HIP1: variants seen among roughly 807,000 people sequenced by gnomAD.
The protein encoded by HIP1 is huntingtin-interacting protein 1.
Under a neutral mutation model 147.6 loss-of-function variants are expected in HIP1, and 65 were observed. The ratio of observed to expected loss-of-function variants is 0.44; its 90% CI spans 0.36 to 0.54. The LOEUF is 0.54. Ranked by LOEUF, HIP1 falls within the 20% of genes least tolerant of loss-of-function variation. HIP1 has a pLI of 0.00. For missense variants in HIP1, 1,061 were observed against 1,299.6 expected (o/e 0.82, Z 2.82); for synonymous variants, 479 against 504.0 (o/e 0.95, Z 0.67).
Position 75,549,000 on chromosome 7 carries a change from T to A in HIP1, c.2297A>T (p.Glu766Val). 1 of 1,608,494 alleles carries A rather than the reference T, an allele frequency of 6.2e-7. No homozygotes were observed. Among genetic ancestry groups the A allele is most frequent in the Non-Finnish European group, 8.5e-7 (1 of 1,174,860 alleles). Residue 766 changes from glutamate (E) to valine (V), a missense_variant and splice_region_variant, in exon 23 of 31, where the codon GAG becomes GTG. By Grantham distance (121) the Glu-to-Val change is moderately radical (BLOSUM62 -2). Coordinates refer to ENST00000336926, the MANE Select transcript of HIP1 (RefSeq NM_005338.7). ...GATGTCCAGTCCCCTGGGCAGGAGC[T>A]CCTGTGAACACATCACAAAGGCTGA... ...CLSKIKAIGEELLPRGLDIKQ... is the reference protein window; with the variant it reads ...CLSKIKAIGEVLLPRGLDIKQ...
At chr7:75,688,913 C>T (rs1800355574) in intron 1 of HIP1, among the ~76,000 whole-genome samples, 1 of 152,184 alleles carries the variant, frequency 6.6e-6, no homozygotes, top group Admixed American at 6.6e-5. Flanking sequence ...GGTCCCCTGG[C>T]TCAGGTCCAC....
At chr7:75,676,952 T>C (rs1244254008) in intron 1 of HIP1, among the ~76,000 whole-genome samples, 1 of 151,980 alleles carries the variant, frequency 6.6e-6, no homozygotes, top group Non-Finnish European at 1.5e-5. Flanking sequence ...CCCAGCACTT[T>C]GGGAGGCCAA....
chr7:75,624,455 G>A (rs1797961618), intron 1 of HIP1, among the ~76,000 whole-genome samples: 1 of 152,138 alleles, frequency 6.6e-6, no homozygotes, highest in Non-Finnish European at 1.5e-5. Flanking sequence ...AGAGCTATGA[G>A]ATTCAGAAGT....
chr7:75,575,212 G>A (rs1554497497), intron 7 of HIP1, among the ~76,000 whole-genome samples: 1 of 151,820 alleles, frequency 6.6e-6, no homozygotes. Flanking sequence ...TGTAATCCCA[G>A]CACTTTGGGA....
intron 12 of HIP1, among the ~76,000 whole-genome samples, 180 bp from the exon 13 acceptor site, chr7:75,561,581 T>C (rs1395208899): frequency 2.0e-5 from 3 of 152,224 alleles, no homozygotes; most frequent in Non-Finnish European, 4.4e-5. Flanking sequence ...TCCATGGTTA[T>C]TGATTTTCTT....
intron 1 of HIP1, among the ~76,000 whole-genome samples, chr7:75,684,829 C>T (rs980080421): frequency 1.3e-5 from 2 of 152,076 alleles, no homozygotes; most frequent in Non-Finnish European, 1.5e-5. Context: ...TGGTGGCTCA[C>T]GCCTGTAATC....
chr7:75,639,735 G>A (rs1554510227), intron 1 of HIP1, among the ~76,000 whole-genome samples: 1 of 152,136 alleles, frequency 6.6e-6, no homozygotes, highest in Non-Finnish European at 1.5e-5. Context: ...ATTCCAGTGG[G>A]GGCAGGGGGT....
At position 75,556,142 on chromosome 7, in the gene HIP1, C is replaced by T. The variant is rs1336058212; in HGVS notation, c.1711G>A (p.Ala571Thr). Residue 571 changes from alanine (A) to threonine (T), a missense_variant, in exon 18 of 31, where the codon GCC (alanine) becomes ACC (threonine). Transcript: ENST00000336926. ...CTGTCCCGCTCCTTCTCTAGCTCGG[C>T]GAACTCGGCTGCCCAGTTTGCTTCT... ...QSEANWAAEF[A>T]ELEKERDSLV... is the part of the protein sequence containing the mutation. 6 of 1,613,990 alleles carry T rather than the reference C, an allele frequency of 3.7e-6. No individual in the cohort carries two copies. The highest frequency in any genetic ancestry group is 2.7e-5 in the African/African-American group (2 of 74,920).
intron 30 of HIP1, among the ~76,000 whole-genome samples, chr7:75,538,636 G>A (rs587746692): frequency 2.1e-4 from 30 of 146,038 alleles, no homozygotes; most frequent in African/African-American, 4.8e-4. Flanking sequence ...GTGCAGTGGC[G>A]CGATCTCGGC....
chr7:75,644,026 A>G (rs1798728317), intron 1 of HIP1, among the ~76,000 whole-genome samples: 1 of 152,140 alleles, frequency 6.6e-6, no homozygotes, highest in Admixed American at 6.6e-5. Context: ...AAACAAAACC[A>G]AAACAGAAAT....
chr7:75,689,835 G>A (rs545425395), intron 1 of HIP1, among the ~76,000 whole-genome samples: 29 of 152,286 alleles, frequency 1.9e-4, no homozygotes, highest in African/African-American at 6.7e-4. Context: ...ATTGTGAGGG[G>A]TGTGCTAAAT....
At chr7:75,726,499 G>A (rs1031371878) in intron 1 of HIP1, among the ~76,000 whole-genome samples, 5 of 151,980 alleles carry the variant, frequency 3.3e-5, no homozygotes, top group Admixed American at 2.6e-4. Flanking sequence ...TAGCCAGGCT[G>A]ATCTCGAACT....
intron 1 of HIP1, among the ~76,000 whole-genome samples, chr7:75,700,709 CTTT>C (rs879958028): frequency 6.9e-6 from 1 of 144,666 alleles, no homozygotes. Flanking sequence ...CAGGTGAACA[CTTT>C]TTTTTTTTTT....
intron 16 of HIP1, 43 bp downstream of exon 16, chr7:75,557,611 C>T (rs368219807): frequency 2.8e-6 from 4 of 1,439,044 alleles, no homozygotes; most frequent in Non-Finnish European, 2.9e-6. Context: ...ACCAACTCAA[C>T]AGCCCCCTCC....
At chr7:75,541,841 C>A in intron 29 of HIP1, 78 bp downstream of exon 29, 1 of 1,109,810 alleles carries the variant, frequency 9.0e-7, no homozygotes, top group Non-Finnish European at 1.4e-6. Flanking sequence ...TTCCCTCTGG[C>A]TTTTCTCCAT....
chr7:75,689,942 G>A (rs782008698), intron 1 of HIP1, among the ~76,000 whole-genome samples: 8 of 152,062 alleles, frequency 5.3e-5, no homozygotes, highest in Admixed American at 1.3e-4. Flanking sequence ...CCTGGCTCCC[G>A]GTCTGCAGCC....
At chr7:75,587,511 T>G (rs778444056) in intron 4 of HIP1, among the ~76,000 whole-genome samples, 4 of 152,266 alleles carry the variant, frequency 2.6e-5, no homozygotes, top group Non-Finnish European at 5.9e-5. Flanking sequence ...TGTAATTTAT[T>G]GAACTGACTC....
chr7:75,646,255 G>A (rs1241926657), intron 1 of HIP1, among the ~76,000 whole-genome samples: 2 of 152,016 alleles, frequency 1.3e-5, no homozygotes, highest in Non-Finnish European at 2.9e-5. Flanking sequence ...AATTTTGTGT[G>A]TGTGTATTTT....
intron 2 of HIP1, among the ~76,000 whole-genome samples, chr7:75,595,187 CCTTTCTTT>C (rs587760351): frequency 0.015 from 1,666 of 108,388 alleles, 67 homozygotes; most frequent in Middle Eastern, 0.037. Context: ...GTGTAGGAGT[CCTTTCTTT>C]CTTTCTTTCT....
Sources: allele counts gnomAD v4.1 joint callset (sites outside exome capture counted in the v4.1 genomes callset), GRCh38; gene constraint gnomAD v4.1.1; transcripts MANE v1.5; gene names NCBI Gene and HGNC (gene_info 2026-07-23, HGNC 2026-07-21).